The following STAU2 variants were observed in gnomAD, a reference collection of about 807,000 sequenced individuals.
The protein encoded by STAU2 is double-stranded RNA-binding protein Staufen homolog 2.
STAU2 carries 20 observed loss-of-function variants against 65.9 expected under a neutral mutation model. The observed-to-expected ratio is 0.30, with a 90% CI of 0.21 to 0.44. The LOEUF is 0.44. STAU2 is among the 20% of genes least tolerant of loss of function. STAU2 has a pLI of 1.00. For synonymous variants in STAU2, 232 were observed against 233.9 expected (o/e 0.99, Z 0.07); for missense variants, 558 against 683.9 (o/e 0.82, Z 2.05).
chr8:73,446,240 G>C (rs1170468870), intron 13 of STAU2, among the ~76,000 whole-genome samples: 1 of 152,218 alleles, frequency 6.6e-6, no homozygotes, highest in African/African-American at 2.4e-5. Context: ...AATGATAAAA[G>C]CATAGAGATG....
At chr8:73,714,733 A>T (rs183648812) in intron 3 of STAU2, among the ~76,000 whole-genome samples, 19 of 152,316 alleles carry the variant, frequency 1.2e-4, no homozygotes, top group Admixed American at 1.2e-3. Flanking sequence ...CACATATGAC[A>T]CTAAAGTCTA....
At chr8:73,686,039 T>G (rs1435005385) in intron 5 of STAU2, among the ~76,000 whole-genome samples, 2 of 151,928 alleles carry the variant, frequency 1.3e-5, no homozygotes, top group South Asian at 4.1e-4. Flanking sequence ...TTATTCTAAG[T>G]AAAGTCACAC....
At chr8:73,604,375 C>T (rs1220195160) in intron 9 of STAU2, among the ~76,000 whole-genome samples, 3 of 151,952 alleles carry the variant, frequency 2.0e-5, no homozygotes, top group Non-Finnish European at 4.4e-5. Context: ...ACTACAGGCG[C>T]GCCCACACCA....
chr8:73,496,965 T>C (rs554476923), intron 13 of STAU2, among the ~76,000 whole-genome samples: 1 of 151,858 alleles, frequency 6.6e-6, no homozygotes, highest in African/African-American at 2.4e-5. Context: ...AAATAATATA[T>C]TAATAAAATT....
intron 12 of STAU2, among the ~76,000 whole-genome samples, chr8:73,567,741 A>G (rs1161583076): frequency 1.3e-5 from 2 of 151,662 alleles, no homozygotes; most frequent in African/African-American, 2.4e-5. Context: ...GCAGAGATGG[A>G]GTTTCACCGT....
intron 13 of STAU2, among the ~76,000 whole-genome samples, chr8:73,427,021 C>T (rs960143575): frequency 2.6e-5 from 4 of 151,522 alleles, no homozygotes; most frequent in Admixed American, 2.0e-4. Context: ...CTCTGCCTCC[C>T]GGGTTCAAGC....
intron 4 of STAU2, among the ~76,000 whole-genome samples, chr8:73,699,699 G>A (rs1382200527): frequency 1.3e-5 from 2 of 151,714 alleles, no homozygotes; most frequent in Non-Finnish European, 2.9e-5. Flanking sequence ...TAAAGAAAAG[G>A]CCAGGACCCA....
intron 13 of STAU2, among the ~76,000 whole-genome samples, chr8:73,500,195 A>G (rs1821660936): frequency 6.6e-6 from 1 of 151,906 alleles, no homozygotes; most frequent in South Asian, 2.1e-4. Flanking sequence ...TGGATACCCA[A>G]ATCCACAGAT....
intron 13 of STAU2, chr8:73,551,527 G>T: frequency 1.0e-6 from 1 of 987,172 alleles, no homozygotes; most frequent in South Asian, 4.7e-5. Context: ...CTAGAATGTT[G>T]TATCTTAATG....
chr8:73,669,165 G>C lies in STAU2; in HGVS notation c.410+3942C>G, dbSNP rs142335605. On this transcript the variant is annotated intron_variant, in intron 6 of 14. Transcript: ENST00000524300. ...TGGTTGTAACAGCCTACTGAGTAAT[G>C]GTTAGGTCTGCGCTTCTGTGAGCAG... 1,385 of 697,510 alleles carry C rather than the reference G, an allele frequency of 2.0e-3. 11 individuals carry two copies. The African/African-American group carries it at 0.021, about 10-fold the overall frequency. The allele number at this position is 697,510 out of a possible 1,614,324, so 43.2% of individuals were successfully genotyped here.
intron 12 of STAU2, among the ~76,000 whole-genome samples, chr8:73,567,854 G>GC (rs951787145): frequency 2.0e-5 from 3 of 151,958 alleles, no homozygotes; most frequent in Non-Finnish European, 2.9e-5. Flanking sequence ...ACTCGCTGGG[G>GC]GGGAGGGGGG....
At chr8:73,734,290 A>G (rs1806276979) in intron 3 of STAU2, among the ~76,000 whole-genome samples, 2 of 148,330 alleles carry the variant, frequency 1.3e-5, no homozygotes, top group Non-Finnish European at 3.0e-5. Flanking sequence ...TAAGTTGCAC[A>G]TGGATAATAA....
intron 4 of STAU2, among the ~76,000 whole-genome samples, chr8:73,693,020 G>C (rs936502306): frequency 6.6e-6 from 1 of 151,918 alleles, no homozygotes; most frequent in Non-Finnish European, 1.5e-5. Context: ...AATTATCCAG[G>C]CATGGTGGTG....
rs529188159 is a variant in STAU2 at position 73,427,914 on chromosome 8, A to G, written c.1531-5212T>C. ...AATTTCTTCCAAAGTGGACAATTAC[A>G]TTTGAAATTTTATTATTTTTTGTAA... On this transcript the variant is annotated intron_variant, in intron 13 of 14. Coordinates refer to ENST00000524300, the MANE Select transcript of STAU2 (RefSeq NM_001164380.2). 1.4e-3 allele frequency among the ~76,000 whole-genome samples: 207 copies of G among 152,352 alleles called. 1 individual carries two copies. Among genetic ancestry groups the G allele is most frequent in the African/African-American group, 4.7e-3 (196 of 41,578 alleles).
At chr8:73,492,119 T>G (rs1821181939) in intron 13 of STAU2, among the ~76,000 whole-genome samples, 1 of 151,828 alleles carries the variant, frequency 6.6e-6, no homozygotes, top group Non-Finnish European at 1.5e-5. Context: ...TTTTCTACTT[T>G]CAACATTTAG....
intron 6 of STAU2, among the ~76,000 whole-genome samples, chr8:73,638,913 C>T (rs905483153): frequency 4.3e-4 from 66 of 151,768 alleles, no homozygotes; most frequent in African/African-American, 1.5e-3. Flanking sequence ...CAATACCAGT[C>T]AGTGTTGCAA....
intron 13 of STAU2, among the ~76,000 whole-genome samples, chr8:73,533,438 T>A (rs1302989990): frequency 6.6e-6 from 1 of 152,232 alleles, no homozygotes; most frequent in Non-Finnish European, 1.5e-5. Context: ...GATACTATAC[T>A]TGAGATGGTA....
intron 13 of STAU2, among the ~76,000 whole-genome samples, chr8:73,535,925 C>T (rs1806150652): frequency 6.6e-6 from 1 of 152,014 alleles, no homozygotes; most frequent in African/African-American, 2.4e-5. Context: ...AACACAGGAC[C>T]TTACAAATCT....
intron 13 of STAU2, among the ~76,000 whole-genome samples, chr8:73,510,458 C>A (rs919827295): frequency 1.3e-5 from 2 of 152,114 alleles, no homozygotes; most frequent in African/African-American, 4.8e-5. Flanking sequence ...ATGTAACACA[C>A]TAACTATAAA....
Sources: allele counts gnomAD v4.1 joint callset (sites outside exome capture counted in the v4.1 genomes callset), GRCh38; gene constraint gnomAD v4.1.1; transcripts MANE v1.5; gene names NCBI Gene and HGNC (gene_info 2026-07-23, HGNC 2026-07-21).